The following LMTK2 variants were observed in gnomAD, a reference collection of about 807,000 sequenced individuals.
LMTK2 encodes lemur tail kinase 2, also known as serine/threonine-protein kinase LMTK2.
A neutral mutation model predicts 127.5 loss-of-function variants in LMTK2; 37 were observed. That is an observed-to-expected ratio of 0.29 (90% confidence interval 0.22 to 0.38). The LOEUF is 0.38. Ranked by LOEUF, LMTK2 falls within the 10% of genes least tolerant of loss-of-function variation. The pLI, the probability that LMTK2 is intolerant of heterozygous loss-of-function variation, is 1.00. For missense variants in LMTK2, 1,694 were observed against 1,920.3 expected (o/e 0.88, Z 2.20); for synonymous variants, 819 against 810.1 (o/e 1.01, Z -0.19).
chr7:98,190,609 A>G lies in LMTK2; in HGVS notation c.999-119A>G, dbSNP rs556781527. The G allele has an allele frequency of 2.8e-5, 26 of 932,142 alleles. No individual in the cohort carries two copies. The South Asian group carries it at 4.0e-4, about 14-fold the overall frequency. The allele number at this position is 932,142 out of a possible 1,614,324, so 57.7% of individuals were successfully genotyped here. On this transcript the variant is annotated intron_variant, in intron 9 of 13. Transcript: ENST00000297293. ...CAACAACAACAACAACAAAGATCCT[A>G]TTAATAATCTTTTCAATACACACCT...
At chr7:98,181,019 T>G (rs1365365401) in intron 7 of LMTK2, among the ~76,000 whole-genome samples, 1 of 152,004 alleles carries the variant, frequency 6.6e-6, no homozygotes, top group East Asian at 1.9e-4. Flanking sequence ...GCGGAGCCCT[T>G]CTGCGCCACA....
At chr7:98,176,876 C>T (rs1584282488) in intron 7 of LMTK2, among the ~76,000 whole-genome samples, 1 of 152,110 alleles carries the variant, frequency 6.6e-6, no homozygotes, top group African/African-American at 2.4e-5. Context: ...TGAATGCTTC[C>T]CACATGCCAG....
At chr7:98,174,595 G>C (rs1212148678) in intron 7 of LMTK2, among the ~76,000 whole-genome samples, 1 of 152,228 alleles carries the variant, frequency 6.6e-6, no homozygotes. Context: ...AGCTGAGCCA[G>C]GGGGTTCTCA....
chr7:98,174,864 T>C (rs73151146), intron 7 of LMTK2, among the ~76,000 whole-genome samples: 2,364 of 152,250 alleles, frequency 0.016, 20 homozygotes, highest in Middle Eastern at 0.037. Flanking sequence ...GAGAAATACA[T>C]TTAAAATCAA....
At chr7:98,195,761 C>T (rs370291849) in intron 11 of LMTK2, among the ~76,000 whole-genome samples, 3 of 152,190 alleles carry the variant, frequency 2.0e-5, no homozygotes, top group Non-Finnish European at 2.9e-5. Context: ...CCAGGAGCTG[C>T]GTCTGTTGAA....
chr7:98,167,414 G>A (rs1797116848), intron 6 of LMTK2, among the ~76,000 whole-genome samples: 1 of 152,208 alleles, frequency 6.6e-6, no homozygotes, highest in Non-Finnish European at 1.5e-5. Flanking sequence ...GGCTTTGGCT[G>A]CTCAGGCGAA....
At chr7:98,129,607 C>T (rs1796493605) in intron 1 of LMTK2, among the ~76,000 whole-genome samples, 1 of 151,800 alleles carries the variant, frequency 6.6e-6, no homozygotes, top group Admixed American at 6.6e-5. Flanking sequence ...CTCAAGTGAT[C>T]CTCCTACCTC....
intron 10 of LMTK2, among the ~76,000 whole-genome samples, chr7:98,191,099 T>A (rs1797516552): frequency 1.3e-5 from 2 of 152,146 alleles, no homozygotes; most frequent in Non-Finnish European, 2.9e-5. Context: ...TTTCATATTG[T>A]TTATTTATTT....
chr7:98,129,004 C>T (rs112617259), intron 1 of LMTK2, among the ~76,000 whole-genome samples: 1 of 152,050 alleles, frequency 6.6e-6, no homozygotes, highest in East Asian at 1.9e-4. Context: ...GAAAATGTCC[C>T]GAGTAAGAGT....
At position 98,171,431 on chromosome 7, in the gene LMTK2, G is replaced by T. The variant is rs1797188981; in HGVS notation, c.658-110G>T. ...GGAACTTCTTTAAGTATGAACAAAA[G>T]AAGTTTCTAATAAATAATCTTAACA... On this transcript the variant is annotated intron_variant, in intron 6 of 13. Coordinates refer to ENST00000297293, the MANE Select transcript of LMTK2 (RefSeq NM_014916.4). The surrounding 1 kb of genome is among the most constrained non-coding windows in gnomAD (Gnocchi z 5.1). The T allele has an allele frequency of 7.1e-7, 1 of 1,398,832 alleles. No individual in the cohort carries two copies. The highest frequency in any genetic ancestry group is 1.0e-6 in the Non-Finnish European group (1 of 989,448). The allele number at this position is 1,398,832 out of a possible 1,614,324, so 86.7% of individuals were successfully genotyped here.
chr7:98,138,033 G>A (rs1348367951), intron 2 of LMTK2, among the ~76,000 whole-genome samples: 1 of 152,184 alleles, frequency 6.6e-6, no homozygotes, highest in Non-Finnish European at 1.5e-5. Flanking sequence ...TGGCCAGGGA[G>A]GGTAATAGAG....
rs915838206 is a variant in LMTK2 at position 98,171,406 on chromosome 7, G to A, written c.658-135G>A. 5.4e-6 allele frequency: 6 copies of A among 1,107,012 alleles called. No homozygotes were observed. In the African/African-American group the frequency reaches 9.3e-5, roughly 17 times the overall value. The allele number at this position is 1,107,012 out of a possible 1,614,324, so 68.6% of individuals were successfully genotyped here. A position where few individuals can be genotyped will look rare whatever the true frequency, so the allele number is the denominator to read the frequency against. On this transcript the variant is annotated intron_variant, in intron 6 of 13. Transcript: ENST00000297293. The surrounding 1 kb of genome is among the most constrained non-coding windows in gnomAD (Gnocchi z 5.1). ...TTCTATACTTTCGCAGTATTGGGTT[G>A]GAACTTCTTTAAGTATGAACAAAAG...
At chr7:98,149,533 G>A (rs910843541) in intron 3 of LMTK2, among the ~76,000 whole-genome samples, 1 of 152,202 alleles carries the variant, frequency 6.6e-6, no homozygotes, top group African/African-American at 2.4e-5. Context: ...CGATAGAGGT[G>A]CAGTTAAATG....
intron 3 of LMTK2, among the ~76,000 whole-genome samples, chr7:98,143,399 C>T (rs922362175): frequency 2.6e-5 from 4 of 151,944 alleles, no homozygotes; most frequent in Non-Finnish European, 5.9e-5. Flanking sequence ...TTGACAGAGT[C>T]GCAAAAAATA....
Position 98,106,895 on chromosome 7 carries a change from C to A in LMTK2, c.-283C>A, listed in dbSNP as rs982245937. 1.4e-5 allele frequency: 6 copies of A among 444,382 alleles called. No individual in the cohort carries two copies. The highest frequency in any genetic ancestry group is 2.4e-5 in the Non-Finnish European group (6 of 251,288). The allele number at this position is 444,382 out of a possible 1,614,324, so 27.5% of individuals were successfully genotyped here. ...ACGCAGCCCATCATGGCGGCGGGAG[C>A]GCGGCTTCCCAGGCCCGCCGCTCCG... On this transcript the variant is annotated 5_prime_UTR_variant, in exon 1 of 14. Transcript: ENST00000297293.
At chr7:98,161,535 G>T (rs1340243770) in intron 6 of LMTK2, among the ~76,000 whole-genome samples, 2 of 152,084 alleles carry the variant, frequency 1.3e-5, no homozygotes, top group Non-Finnish European at 2.9e-5. Flanking sequence ...GGTGACACAG[G>T]ATCAATTATT....
At chr7:98,204,475 A>G (rs1337307412) in intron 13 of LMTK2, among the ~76,000 whole-genome samples, 1 of 152,058 alleles carries the variant, frequency 6.6e-6, no homozygotes, top group Non-Finnish European at 1.5e-5. Context: ...TAAAAACTAA[A>G]AAATTAGCTG....
chr7:98,142,049 T>TA (rs1397241052), intron 3 of LMTK2, among the ~76,000 whole-genome samples: 6 of 152,224 alleles, frequency 3.9e-5, no homozygotes, highest in Non-Finnish European at 8.8e-5. Context: ...TTTTTTTTTT[T>TA]AGAGTTTGAA....
chr7:98,159,315 A>T, intron 5 of LMTK2, 23 bp from the exon 6 acceptor site: 1 of 1,515,564 alleles, frequency 6.6e-7, no homozygotes, highest in African/African-American at 1.4e-5. Flanking sequence ...GATGAACAAT[A>T]TTATGGCTTT....
Sources: allele counts gnomAD v4.1 joint callset (sites outside exome capture counted in the v4.1 genomes callset), GRCh38; gene constraint gnomAD v4.1.1; non-coding constraint Gnocchi (gnomAD v3.1); transcripts MANE v1.5; gene names NCBI Gene and HGNC (gene_info 2026-07-23, HGNC 2026-07-21).